The following PTN variants were observed in gnomAD, a reference collection of about 807,000 sequenced individuals.
PTN encodes heparin affin regulatory protein.
A neutral mutation model predicts 24.1 loss-of-function variants in PTN; 18 were observed. That is an observed-to-expected ratio of 0.75 (90% confidence interval 0.52 to 1.11). PTN has a LOEUF of 1.11. Ranked by LOEUF, PTN falls within the 50% of genes least tolerant of loss-of-function variation. The probability of loss-of-function intolerance (pLI) is 0.00; values close to 1 mark genes in which losing one functional copy is unlikely to be tolerated. For synonymous variants in PTN, 78 were observed against 68.6 expected (o/e 1.14, Z -0.67); for missense variants, 163 against 198.8 (o/e 0.82, Z 1.08).
At chr7:137,274,827 T>C (rs993360469) in intron 1 of PTN, among the ~76,000 whole-genome samples, 5 of 152,194 alleles carry the variant, frequency 3.3e-5, no homozygotes, top group African/African-American at 7.2e-5. Context: ...TCATGAAGAA[T>C]TTATGACAGA....
intron 1 of PTN, among the ~76,000 whole-genome samples, chr7:137,324,433 A>AAAAAAAAAATATATATATATATAT: frequency 1.1e-5 from 1 of 88,762 alleles, no homozygotes; most frequent in African/African-American, 6.9e-5. Context: ...AAAAAAAAAA[A>AAAAAAAAAATATATATATATATAT]ATATATATAT....
intron 4 of PTN, among the ~76,000 whole-genome samples, chr7:137,246,240 C>T (rs75592339): frequency 0.019 from 2,918 of 152,204 alleles, 102 homozygotes; most frequent in African/African-American, 0.068. Context: ...TGTTCAGATA[C>T]ACAAATACCT....
At chr7:137,285,521 C>T (rs942493856) in intron 1 of PTN, among the ~76,000 whole-genome samples, 1 of 152,034 alleles carries the variant, frequency 6.6e-6, no homozygotes, top group Non-Finnish European at 1.5e-5. Flanking sequence ...CAAAAATTAG[C>T]CAGACATGGT....
At chr7:137,332,571 T>A (rs1039320155) in intron 1 of PTN, among the ~76,000 whole-genome samples, 2 of 152,210 alleles carry the variant, frequency 1.3e-5, no homozygotes, top group South Asian at 4.1e-4. Context: ...GTTTCAAGAT[T>A]TAAGCATAGA....
At chr7:137,235,326 A>T (rs925266639) in intron 4 of PTN, among the ~76,000 whole-genome samples, 3 of 152,142 alleles carry the variant, frequency 2.0e-5, no homozygotes, top group African/African-American at 2.4e-5. Context: ...CTCAGAACTG[A>T]TAACAAGGCT....
rs1457436240 is a variant in PTN, at chr7:137,268,137, C to T, written c.-1-13163G>A. On this transcript the variant is annotated intron_variant, in intron 1 of 4. Coordinates refer to ENST00000348225, the MANE Select transcript of PTN (RefSeq NM_002825.7). ...TGCCAGTTCCTTCCCGGTGTTCAGC[C>T]ACTGCGTTGATCCTCCACGGGGGCC... 2.6e-5 allele frequency among the ~76,000 whole-genome samples: 4 copies of T among 152,190 alleles called. No individual in the cohort carries two copies. The East Asian group carries it at 7.8e-4, about 30-fold the overall frequency.
chr7:137,308,258 C>G (rs1257048616), intron 1 of PTN, among the ~76,000 whole-genome samples: 2 of 152,130 alleles, frequency 1.3e-5, no homozygotes, highest in Non-Finnish European at 2.9e-5. Flanking sequence ...TTTTCCTGTG[C>G]TCTGCCCTCT....
intron 4 of PTN, among the ~76,000 whole-genome samples, chr7:137,238,384 A>C (rs1808561473): frequency 6.6e-6 from 1 of 152,190 alleles, no homozygotes; most frequent in Admixed American, 6.5e-5. Context: ...TAGCTGCTTT[A>C]AAGAACCCTA....
At chr7:137,262,010 G>A (rs1809048095) in intron 1 of PTN, among the ~76,000 whole-genome samples, 1 of 148,292 alleles carries the variant, frequency 6.7e-6, no homozygotes, top group Admixed American at 6.8e-5. Flanking sequence ...GGCTAGTTTT[G>A]GGGAAAAAGA....
chr7:137,340,507 C>T (rs567872346), intron 1 of PTN, among the ~76,000 whole-genome samples: 1 of 152,212 alleles, frequency 6.6e-6, no homozygotes, highest in Non-Finnish European at 1.5e-5. Context: ...TTCCACGAGG[C>T]CATGGCCCAA....
chr7:137,237,032 T>C (rs1421404535), intron 4 of PTN, among the ~76,000 whole-genome samples: 1 of 152,156 alleles, frequency 6.6e-6, no homozygotes, highest in Non-Finnish European at 1.5e-5. Flanking sequence ...ATTATAGATA[T>C]AGATATAGTT....
intron 1 of PTN, among the ~76,000 whole-genome samples, chr7:137,256,743 G>A (rs1187780621): frequency 2.0e-5 from 3 of 152,008 alleles, no homozygotes; most frequent in Non-Finnish European, 1.5e-5. Context: ...TCACCACACC[G>A]TTTTCCACAA....
chr7:137,266,156 C>G (rs1364626144), intron 1 of PTN, among the ~76,000 whole-genome samples: 1 of 152,040 alleles, frequency 6.6e-6, no homozygotes, highest in Non-Finnish European at 1.5e-5. Context: ...TAAGAAAAAC[C>G]TGTTGCATTT....
At chr7:137,324,588 A>G (rs1339296733) in intron 1 of PTN, among the ~76,000 whole-genome samples, 2 of 151,386 alleles carry the variant, frequency 1.3e-5, no homozygotes, top group Non-Finnish European at 2.9e-5. Flanking sequence ...CGATTGTGTA[A>G]GCTGATGTTT....
chr7:137,245,925 A>T (rs1445534052), intron 4 of PTN, among the ~76,000 whole-genome samples: 1 of 152,246 alleles, frequency 6.6e-6, no homozygotes, highest in Non-Finnish European at 1.5e-5. Context: ...AAAAGAGTCA[A>T]AAGTTAAAAT....
intron 1 of PTN, among the ~76,000 whole-genome samples, chr7:137,264,340 G>A (rs1809099225): frequency 6.6e-6 from 1 of 152,138 alleles, no homozygotes. Flanking sequence ...TGTATATACT[G>A]GGAACAGTCC....
At chr7:137,292,668 T>C (rs1023069862) in intron 1 of PTN, among the ~76,000 whole-genome samples, 20 of 152,334 alleles carry the variant, frequency 1.3e-4, no homozygotes, top group Admixed American at 9.1e-4. Flanking sequence ...ACAATGTGAA[T>C]GCCATGTAAA....
At chr7:137,271,301 A>C (rs532648063) in intron 1 of PTN, among the ~76,000 whole-genome samples, 1 of 152,322 alleles carries the variant, frequency 6.6e-6, no homozygotes, top group African/African-American at 2.4e-5. Context: ...ATGATATCAC[A>C]AAGTGTTCTT....
In PTN at chr7:137,278,983, A is replaced by ATAAT. The variant is rs1554466685; in HGVS notation, c.-1-24010_-1-24009insATTA. On this transcript the variant is annotated intron_variant, in intron 1 of 4. Coordinates refer to ENST00000348225, the MANE Select transcript of PTN (RefSeq NM_002825.7). ...AATAATAATAATAATAATAATAATA[A>ATAAT]AATAAAGAAACGGACCAATCCAGAA... is the stretch of plus-strand genomic sequence containing the variant. Among the ~76,000 whole-genome samples the ATAAT allele has an allele frequency of 2.3e-4, 33 of 143,186 alleles. 1 individual carries two copies. Among genetic ancestry groups the ATAAT allele is most frequent in the East Asian group, 8.1e-4 (4 of 4,952 alleles). The allele number at this position is 143,186 out of a possible 152,430, so 93.9% of individuals were successfully genotyped here.
Sources: allele counts gnomAD v4.1 joint callset (sites outside exome capture counted in the v4.1 genomes callset), GRCh38; gene constraint gnomAD v4.1.1; transcripts MANE v1.5; gene names NCBI Gene and HGNC (gene_info 2026-07-23, HGNC 2026-07-21).